Variants in MICAL3 observed in about 807,000 individuals in gnomAD.
MICAL3 encodes the protein microtubule associated monooxygenase, calponin and LIM domain containing 3.
MICAL3 carries 62 observed loss-of-function variants against 207.4 expected under a neutral mutation model. The observed-to-expected ratio is 0.30, with a 90% CI of 0.24 to 0.37. The LOEUF is 0.37. Among genes scored for constraint, MICAL3 ranks in the 10% least tolerant of loss-of-function variants. The pLI is 1.00. For missense variants in MICAL3, 2,368 were observed against 2,635.6 expected (o/e 0.90, Z 2.22); for synonymous variants, 1,077 against 1,069.3 (o/e 1.01, Z -0.14).
intron 2 of MICAL3, among the ~76,000 whole-genome samples, chr22:17,905,413 T>A (rs1427354467): frequency 1.3e-5 from 2 of 152,138 alleles, no homozygotes; most frequent in African/African-American, 4.8e-5. Flanking sequence ...AAATCCACAC[T>A]CCAGAGAAGT....
At chr22:17,952,020 C>T (rs1307195690) in intron 1 of MICAL3, among the ~76,000 whole-genome samples, 29 of 152,128 alleles carry the variant, frequency 1.9e-4, no homozygotes, top group Non-Finnish European at 1.5e-5. Context: ...AAGTGCCCCA[C>T]AAGAGCCAAA....
At chr22:17,907,505 C>T (rs1931825968) in intron 1 of MICAL3, among the ~76,000 whole-genome samples, 1 of 152,204 alleles carries the variant, frequency 6.6e-6, no homozygotes, top group Admixed American at 6.5e-5. Context: ...AGTGGAGGTG[C>T]TTACCGGGAA....
chr22:17,922,769 G>A (rs1347945238), intron 1 of MICAL3, among the ~76,000 whole-genome samples: 1 of 152,134 alleles, frequency 6.6e-6, no homozygotes, highest in East Asian at 1.9e-4. Context: ...TCAAACCCAA[G>A]CAGTGTGTCT....
At chr22:17,989,089 C>A (rs1274853036) in intron 1 of MICAL3, among the ~76,000 whole-genome samples, 4 of 152,202 alleles carry the variant, frequency 2.6e-5, no homozygotes, top group South Asian at 2.1e-4. Flanking sequence ...CTTCCGCCGT[C>A]GCTCTGTGTT....
chr22:17,971,953 G>A (rs1935430646), intron 1 of MICAL3, among the ~76,000 whole-genome samples: 1 of 152,248 alleles, frequency 6.6e-6, no homozygotes, highest in African/African-American at 2.4e-5. Flanking sequence ...CAGTGAGAGA[G>A]GAAGAGGAGG....
rs982517883 is a variant in MICAL3, at chr22:17,841,666, G to A, written c.2801+156C>T. 12 of 676,130 alleles carry A rather than the reference G, an allele frequency of 1.8e-5. No individual in the cohort carries two copies. Among genetic ancestry groups the A allele is most frequent in the Admixed American group, 5.5e-5 (2 of 36,296 alleles). 41.9% of individuals were successfully genotyped at this position (676,130 alleles called of 1,614,324 possible). A position where few individuals can be genotyped will look rare whatever the true frequency, so the allele number is the denominator to read the frequency against. On this transcript the variant is annotated intron_variant, in intron 20 of 31. Transcript: ENST00000441493. The surrounding 1 kb of genome is among the most constrained non-coding windows in gnomAD (Gnocchi z 4.2). Reference sequence around the variant, plus strand: ...GAGGAGTCCTCACTGACTAGAAGATGAGGCTAAGAACCTAAAAGGGACTGG... The same window carrying A: ...GAGGAGTCCTCACTGACTAGAAGATAAGGCTAAGAACCTAAAAGGGACTGG...
intron 1 of MICAL3, among the ~76,000 whole-genome samples, chr22:17,946,402 T>TATTC (rs1350934826): frequency 6.6e-6 from 1 of 152,244 alleles, no homozygotes; most frequent in Non-Finnish European, 1.5e-5. Flanking sequence ...CCCACATGTG[T>TATTC]ATTCACTGCA....
At chr22:17,948,174 A>G (rs1569143216) in intron 1 of MICAL3, among the ~76,000 whole-genome samples, 7 of 151,818 alleles carry the variant, frequency 4.6e-5, no homozygotes, top group Admixed American at 4.6e-4. Context: ...GCAAGTCCCC[A>G]CTCCCACTGC....
intron 19 of MICAL3, among the ~76,000 whole-genome samples, chr22:17,855,899 G>A (rs909199307): frequency 1.3e-5 from 2 of 152,262 alleles, no homozygotes; most frequent in African/African-American, 4.8e-5. Context: ...CCAGGCTGCA[G>A]AGAATGATGA....
At chr22:17,972,398 A>C (rs912914446) in intron 1 of MICAL3, among the ~76,000 whole-genome samples, 3 of 152,192 alleles carry the variant, frequency 2.0e-5, no homozygotes, top group Middle Eastern at 3.2e-3. Context: ...GTAGAAACTG[A>C]AATCTGGAGC....
In MICAL3 at chr22:17,808,878, G is replaced by T. The variant is rs367665785; in HGVS notation, c.5616C>A (p.Gly1872=). 1.4e-5 allele frequency: 21 copies of T among 1,552,824 alleles called. No individual in the cohort carries two copies. Among genetic ancestry groups the T allele is most frequent in the Non-Finnish European group, 1.8e-5 (21 of 1,148,088 alleles). The change falls in exon 29 of 32, where the codon GGC becomes GGA. Residue 1872 remains glycine (G), a synonymous_variant. Transcript: ENST00000441493. The part of the protein sequence containing the change: ...EERQRRLEER[G]VAVEKALRGE... ...CCCGGAGCGCCTTCTCCACAGCCAC[G>T]CCCCTTTCCTCCAGCCGCCGCTGCC...
At chr22:18,022,800 C>G (rs1924569391) in intron 1 of MICAL3, among the ~76,000 whole-genome samples, 1 of 152,140 alleles carries the variant, frequency 6.6e-6, no homozygotes, top group Non-Finnish European at 1.5e-5. Flanking sequence ...ACATGTGACT[C>G]TGGTTAGTAC....
chr22:17,862,306 G>A (rs1926606983), intron 19 of MICAL3: 2 of 920,970 alleles, frequency 2.2e-6, no homozygotes, highest in South Asian at 5.0e-5. Flanking sequence ...TCAGGCTGGA[G>A]TGCAGTGGTG....
chr22:17,791,564 C>G, intron 29 of MICAL3: 1 of 538,218 alleles, frequency 1.9e-6, no homozygotes, highest in Non-Finnish European at 3.4e-6. Context: ...GGGCTGGTTT[C>G]TACCCCTCCT....
At position 17,933,652 on chromosome 22, in the gene MICAL3, A is replaced by G. The variant is rs1490273614; in HGVS notation, c.-74-26766T>C. Among the ~76,000 whole-genome samples, 3 of 152,334 alleles carry G rather than the reference A, an allele frequency of 2.0e-5. No homozygotes were observed. The East Asian group carries it at 5.8e-4, about 29-fold the overall frequency. On this transcript the variant is annotated intron_variant, in intron 1 of 31. Coordinates refer to ENST00000441493, the MANE Select transcript of MICAL3 (RefSeq NM_015241.3). Reference sequence around the variant, plus strand: ...AGAACTGAAAGAGATTACAGACACAAAGAAACCCTTCAAAAAAATCAATGA... The same window carrying G: ...AGAACTGAAAGAGATTACAGACACAGAGAAACCCTTCAAAAAAATCAATGA...
At chr22:17,866,667 A>ACAGAACAGAACAGAACAGAACAGAACAG (rs1491306738) in intron 17 of MICAL3, among the ~76,000 whole-genome samples, 1 of 96,372 alleles carries the variant, frequency 1.0e-5, no homozygotes, top group African/African-American at 4.4e-5. Flanking sequence ...ATAGAATAGA[A>ACAGAACAGAACAGAACAGAACAGAACAG]TATAGAATAG....
At chr22:17,980,819 G>A (rs373179943) in intron 1 of MICAL3, 16 of 500,462 alleles carry the variant, frequency 3.2e-5, no homozygotes, top group South Asian at 7.1e-5. Flanking sequence ...CCTCAGCCTC[G>A]CCCAGATGCG....
Position 17,817,219 on chromosome 22 carries a change from C to T in MICAL3, c.5350+92G>A, listed in dbSNP as rs536513946. ...GCTCCTGAGAACCCTCGGCGGGGAG[C>T]GTGTGAGTGTGGATCCTGAGAGCCC... On this transcript the variant is annotated intron_variant, in intron 26 of 31. Transcript: ENST00000441493. 7 of 1,405,948 alleles carry T rather than the reference C, an allele frequency of 5.0e-6. No individual in the cohort carries two copies. The African/African-American group carries it at 7.2e-5, about 14-fold the overall frequency. The allele number at this position is 1,405,948 out of a possible 1,614,324, so 87.1% of individuals were successfully genotyped here. A position where few individuals can be genotyped will look rare whatever the true frequency, so the allele number is the denominator to read the frequency against.
chr22:18,017,520 G>A (rs1353749450), intron 1 of MICAL3, among the ~76,000 whole-genome samples: 2 of 151,712 alleles, frequency 1.3e-5, no homozygotes, highest in Non-Finnish European at 2.9e-5. Flanking sequence ...TGGCCTAACA[G>A]AGGTTAACTT....
Sources: gnomAD v4.1 joint callset for allele counts (sites outside exome capture counted in the v4.1 genomes callset) on GRCh38, gnomAD v4.1.1 for gene constraint, Gnocchi (gnomAD v3.1) non-coding constraint, MANE v1.5 for transcripts, NCBI Gene and HGNC (gene_info 2026-07-23, HGNC 2026-07-21) for gene names.